The following CFAP95 variants were observed in gnomAD, a reference collection of about 807,000 sequenced individuals.
CFAP95 encodes the protein cilia- and flagella-associated protein 95.
chr9:69,823,376 G>T, the CFAP95 span, among the ~76,000 whole-genome samples: 1 of 152,168 alleles, frequency 6.6e-6, no homozygotes, highest in Non-Finnish European at 1.5e-5. Context: ...TGGGGACACA[G>T]AGTCAAACCG....
chr9:69,842,696 A>G, the CFAP95 span, among the ~76,000 whole-genome samples: 1 of 152,188 alleles, frequency 6.6e-6, no homozygotes, highest in African/African-American at 2.4e-5. Flanking sequence ...CACAGCTGGG[A>G]CCTGGTTGAG....
At chr9:69,836,693 T>TC in the CFAP95 span, among the ~76,000 whole-genome samples, 2 of 150,270 alleles carry the variant, frequency 1.3e-5, no homozygotes, top group African/African-American at 2.4e-5. Context: ...CAATTTCTTT[T>TC]TTTTTTTTTT....
chr9:69,863,714 A>G, the CFAP95 span, among the ~76,000 whole-genome samples: 1 of 152,180 alleles, frequency 6.6e-6, no homozygotes, highest in East Asian at 1.9e-4. Flanking sequence ...CCAGTAAAAT[A>G]AACAACAACC....
the CFAP95 span, among the ~76,000 whole-genome samples, chr9:69,859,119 G>C: frequency 6.6e-6 from 1 of 152,172 alleles, no homozygotes; most frequent in Admixed American, 6.5e-5. Context: ...TATCAGTTCA[G>C]AGAAATTTTC....
chr9:69,905,954 G>C, the CFAP95 span: 1 of 1,591,024 alleles, frequency 6.3e-7, no homozygotes, highest in South Asian at 1.2e-5. Flanking sequence ...TCCCCCATAG[G>C]CTTATCCCTG....
At chr9:69,825,995 T>A in the CFAP95 span, among the ~76,000 whole-genome samples, 1 of 152,190 alleles carries the variant, frequency 6.6e-6, no homozygotes, top group East Asian at 1.9e-4. Flanking sequence ...CCTGGGAGTT[T>A]CGCTTCCTGT....
the CFAP95 span, among the ~76,000 whole-genome samples, chr9:69,840,029 G>A: frequency 3.3e-5 from 5 of 150,278 alleles, no homozygotes; most frequent in African/African-American, 7.4e-5. Context: ...GTGAGCTGAC[G>A]TCATACCATT....
the CFAP95 span, among the ~76,000 whole-genome samples, chr9:69,870,252 GA>G: frequency 6.6e-6 from 1 of 151,690 alleles, no homozygotes; most frequent in Non-Finnish European, 1.5e-5. Context: ...CGGGAATATA[GA>G]AAAAAAAGAC....
At chr9:69,857,570 G>A in the CFAP95 span, among the ~76,000 whole-genome samples, 1 of 152,180 alleles carries the variant, frequency 6.6e-6, no homozygotes, top group Admixed American at 6.5e-5. Context: ...TGCTGCCCAG[G>A]CTGGAGGACA....
chr9:69,848,718 C>A, the CFAP95 span, among the ~76,000 whole-genome samples: 1 of 152,130 alleles, frequency 6.6e-6, no homozygotes, highest in Non-Finnish European at 1.5e-5. Flanking sequence ...CCCCTGTTCC[C>A]AGTATAGTGG....
chr9:69,856,574 A>G, the CFAP95 span: 3 of 1,609,046 alleles, frequency 1.9e-6, no homozygotes, highest in South Asian at 1.1e-5. Context: ...TCAGAAACAC[A>G]TGAAAAGTTG....
chr9:69,877,443 T>C, the CFAP95 span, among the ~76,000 whole-genome samples: 3 of 152,256 alleles, frequency 2.0e-5, no homozygotes, highest in Non-Finnish European at 4.4e-5. Flanking sequence ...ATTCCACACG[T>C]ACATAAATTA....
At chr9:69,888,747 G>A in the CFAP95 span, among the ~76,000 whole-genome samples, 1 of 152,054 alleles carries the variant, frequency 6.6e-6, no homozygotes, top group African/African-American at 2.4e-5. Context: ...ATGTGGTGGT[G>A]CGTGTCTGTA....
chr9:69,823,385 C>T, the CFAP95 span, among the ~76,000 whole-genome samples: 3 of 152,094 alleles, frequency 2.0e-5, no homozygotes, highest in Non-Finnish European at 4.4e-5. Context: ...AGAGTCAAAC[C>T]GTATCAGTAG....
At chr9:69,834,364 A>C in the CFAP95 span, among the ~76,000 whole-genome samples, 1 of 152,308 alleles carries the variant, frequency 6.6e-6, no homozygotes, top group African/African-American at 2.4e-5. Context: ...GAACGTACTC[A>C]CCCTGGTTTG....
the CFAP95 span, among the ~76,000 whole-genome samples, chr9:69,863,050 A>G: frequency 1.3e-5 from 2 of 152,256 alleles, no homozygotes; most frequent in Admixed American, 6.5e-5. Flanking sequence ...AACAGTTAAG[A>G]TGACACTATA....
the CFAP95 span, among the ~76,000 whole-genome samples, chr9:69,891,960 A>G: frequency 7.9e-5 from 12 of 152,124 alleles, no homozygotes; most frequent in Non-Finnish European, 1.5e-4. Flanking sequence ...AACAGCTGTC[A>G]TCAGTTTCTT....
chr9:69,833,071 T>C, the CFAP95 span, among the ~76,000 whole-genome samples: 3 of 152,226 alleles, frequency 2.0e-5, no homozygotes, highest in East Asian at 5.8e-4. Flanking sequence ...TTTAATTCAA[T>C]GGCTTTTAGT....
At chr9:69,898,578 A>G in the CFAP95 span, among the ~76,000 whole-genome samples, 1 of 152,228 alleles carries the variant, frequency 6.6e-6, no homozygotes, top group East Asian at 1.9e-4. Flanking sequence ...TTGCTCCTAA[A>G]TAGTTCAATG....
Sources: allele counts gnomAD v4.1 joint callset (sites outside exome capture counted in the v4.1 genomes callset), GRCh38; gene constraint gnomAD v4.1.1; transcripts MANE v1.5; gene names NCBI Gene and HGNC (gene_info 2026-07-23, HGNC 2026-07-21).